EPC1: variants seen among roughly 807,000 people sequenced by gnomAD.
The protein encoded by EPC1 is enhancer of polycomb homolog 1.
In EPC1, 12 loss-of-function variants were observed where a neutral mutation model predicts 98.4. The observed-to-expected ratio is 0.12, with a 90% CI of 0.08 to 0.20. The LOEUF is 0.20. Among genes scored for constraint, EPC1 ranks in the 10% least tolerant of loss-of-function variants. The pLI, the probability that EPC1 is intolerant of heterozygous loss-of-function variation, is 1.00. For missense variants in EPC1, 729 were observed against 990.5 expected, an observed-to-expected ratio of 0.74 and a Z score of 3.54; for synonymous variants, 357 against 363.9, an observed-to-expected ratio of 0.98 and a Z score of 0.21.
intron 2 of EPC1, among the ~76,000 whole-genome samples, chr10:32,294,840 T>C (rs1592560197): frequency 1.3e-5 from 2 of 152,316 alleles, no homozygotes; most frequent in East Asian, 3.9e-4. Context: ...TTTTTTCCTA[T>C]TCTCTCCAGT....
intron 1 of EPC1, among the ~76,000 whole-genome samples, chr10:32,324,981 CAG>C (rs2132933360): frequency 6.6e-6 from 1 of 152,226 alleles, no homozygotes; most frequent in Middle Eastern, 3.4e-3. Flanking sequence ...GCCAGGGCGA[CAG>C]AGTGAGACTC....
chr10:32,309,775 CT>C, intron 1 of EPC1, among the ~76,000 whole-genome samples: 1 of 148,944 alleles, frequency 6.7e-6, no homozygotes, highest in East Asian at 1.9e-4. Flanking sequence ...CCCACTCATA[CT>C]TTTTCCTTAT....
chr10:32,278,122 C>T (rs1836194848), intron 10 of EPC1, among the ~76,000 whole-genome samples: 1 of 152,006 alleles, frequency 6.6e-6, no homozygotes, highest in African/African-American at 2.4e-5. Flanking sequence ...CGCTCTGTTG[C>T]CCAGGCCTCC....
At chr10:32,348,110 A>T (rs1231317286), upstream of EPC1, among the ~76,000 whole-genome samples, 1 of 152,156 alleles carries the variant, frequency 6.6e-6, no homozygotes, top group Non-Finnish European at 1.5e-5. Context: ...CACTTTCATC[A>T]TTTGTCCTCT....
chr10:32,334,407 G>T (rs1031990602), intron 1 of EPC1, among the ~76,000 whole-genome samples: 1 of 151,124 alleles, frequency 6.6e-6, no homozygotes, highest in African/African-American at 2.4e-5. Context: ...ACTTAGATGA[G>T]ATTCTAGACT....
At chr10:32,347,312 C>G (rs1433519685), upstream of EPC1, 2 of 591,512 alleles carry the variant, frequency 3.4e-6, no homozygotes, top group Non-Finnish European at 4.4e-6. Flanking sequence ...CTTCCCGCGC[C>G]TCGCTGCTCC....
At chr10:32,291,918 A>G (rs1032054984) in intron 5 of EPC1, 4 of 152,198 alleles carry the variant, frequency 2.6e-5, no homozygotes, top group Non-Finnish European at 5.9e-5. Flanking sequence ...AATTTTGGTG[A>G]AAGATTTGGT....
At chr10:32,284,497 G>A in intron 10 of EPC1, 1 of 467,304 alleles carries the variant, frequency 2.1e-6, no homozygotes, top group Non-Finnish European at 3.7e-6. Flanking sequence ...TTGTATGCAG[G>A]TATGTTTAAA....
Position 32,273,270 on chromosome 10 carries a change from C to A in EPC1, c.1756G>T (p.Glu586Ter). 6.2e-7 allele frequency: 1 copy of A among 1,613,888 alleles called. No homozygotes were observed. Among genetic ancestry groups the A allele is most frequent in the South Asian group, 1.1e-5 (1 of 91,020 alleles). ...TGCTGTTGATGTTGCTGGTATTGTTCGGCTGTAAATGCTGAACATAAAATA... is the reference window on the plus strand; with the variant it reads ...TGCTGTTGATGTTGCTGGTATTGTTAGGCTGTAAATGCTGAACATAAAATA... Reference protein sequence around the residue: ...SGSAHFAFTAEQYQQHQQQLA... With the variant: ...SGSAHFAFTA Residue 586 changes from glutamate (E) to a stop codon, truncating the protein, a stop_gained, in exon 11 of 14, where the codon GAA becomes TAA. Coordinates refer to ENST00000319778, the MANE Select transcript of EPC1 (RefSeq NM_001272004.3). LOFTEE classifies it high-confidence loss of function.
intron 1 of EPC1, among the ~76,000 whole-genome samples, chr10:32,335,722 A>G (rs534870762): frequency 6.6e-6 from 1 of 152,328 alleles, no homozygotes; most frequent in African/African-American, 2.4e-5. Context: ...TTAATGACAG[A>G]ATTTACATGG....
At chr10:32,343,080 C>T (rs763823749) in intron 1 of EPC1, among the ~76,000 whole-genome samples, 1 of 152,004 alleles carries the variant, frequency 6.6e-6, no homozygotes, top group East Asian at 1.9e-4. Context: ...CTTGTTTAAA[C>T]TTTTATCTTT....
chr10:32,311,272 C>A (rs776022153), intron 1 of EPC1, among the ~76,000 whole-genome samples: 7 of 151,062 alleles, frequency 4.6e-5, no homozygotes, highest in Non-Finnish European at 8.8e-5. Context: ...GAGATTGCAC[C>A]GCTGCACTCC....
chr10:32,283,324 CTT>C, intron 10 of EPC1: 1 of 106,688 alleles, frequency 9.4e-6, no homozygotes, highest in Non-Finnish European at 2.1e-5. Context: ...TTATGAATTT[CTT>C]TTTTTTTTGA....
intron 10 of EPC1, among the ~76,000 whole-genome samples, chr10:32,277,748 TG>T (rs1836174938): frequency 6.6e-6 from 1 of 152,108 alleles, no homozygotes; most frequent in African/African-American, 2.4e-5. Context: ...TGTATTTTTT[TG>T]TAGAGATGGG....
chr10:32,288,860 C>T (rs17583944), intron 6 of EPC1, among the ~76,000 whole-genome samples: 2,769 of 151,864 alleles, frequency 0.018, 37 homozygotes, highest in Non-Finnish European at 0.031. Flanking sequence ...GAGGCCAAGG[C>T]GGGAGGATCA....
chr10:32,348,072 C>T (rs1838972100), upstream of EPC1, among the ~76,000 whole-genome samples: 1 of 152,198 alleles, frequency 6.6e-6, no homozygotes, highest in Non-Finnish European at 1.5e-5. Flanking sequence ...CTCAAAGAGA[C>T]TGCGGCTTCA....
chr10:32,301,537 T>G (rs777475952), intron 2 of EPC1, among the ~76,000 whole-genome samples: 2 of 152,192 alleles, frequency 1.3e-5, no homozygotes, highest in Non-Finnish European at 2.9e-5. Context: ...AAAATTACTA[T>G]AGAGTTGCAA....
At chr10:32,312,504 CT>C (rs1209583949) in intron 1 of EPC1, among the ~76,000 whole-genome samples, 1 of 152,130 alleles carries the variant, frequency 6.6e-6, no homozygotes, top group Non-Finnish European at 1.5e-5. Context: ...CCTTTATCCC[CT>C]ACCTTTATTT....
At chr10:32,300,192 A>G (rs2490513) in intron 2 of EPC1, among the ~76,000 whole-genome samples, 149,703 of 152,244 alleles carry the variant, frequency 0.98, 73,637 homozygotes, top group Non-Finnish European at 1. Flanking sequence ...GATTACAGGC[A>G]TGAGCCACCG....
Sources: gnomAD v4.1 joint callset for allele counts (sites outside exome capture counted in the v4.1 genomes callset) on GRCh38, gnomAD v4.1.1 for gene constraint, MANE v1.5 for transcripts, NCBI Gene and HGNC (gene_info 2026-07-23, HGNC 2026-07-21) for gene names.